The following RAPGEF6 variants were observed in gnomAD, a reference collection of about 807,000 sequenced individuals.
The protein encoded by RAPGEF6 is Rap guanine nucleotide exchange factor 6.
In RAPGEF6, 56 loss-of-function variants were observed where a neutral mutation model predicts 171.4. The ratio of observed to expected loss-of-function variants is 0.33; its 90% confidence interval spans 0.26 to 0.41. The LOEUF is 0.41. RAPGEF6 is among the 10% of genes least tolerant of loss of function. The pLI, the probability that RAPGEF6 is intolerant of heterozygous loss-of-function variation, is 1.00. For synonymous variants in RAPGEF6, 692 were observed against 650.1 expected (o/e 1.06, Z -0.98); for missense variants, 1,674 against 1,921.4 (o/e 0.87, Z 2.41).
intron 7 of RAPGEF6, among the ~76,000 whole-genome samples, chr5:131,520,975 C>G (rs1035427235): frequency 6.6e-6 from 1 of 152,198 alleles, no homozygotes; most frequent in Admixed American, 6.5e-5. Context: ...TAGACTACAA[C>G]AGAGGCTTTA....
At chr5:131,510,255 A>T in intron 8 of RAPGEF6, 59 bp downstream of exon 8, 2 of 1,454,004 alleles carry the variant, frequency 1.4e-6, no homozygotes, top group Non-Finnish European at 1.9e-6. Flanking sequence ...GTTATGCAGA[A>T]ATAGGTAACC....
At chr5:131,537,713 C>T (rs1159861072) in intron 6 of RAPGEF6, among the ~76,000 whole-genome samples, 2 of 152,122 alleles carry the variant, frequency 1.3e-5, no homozygotes, top group Non-Finnish European at 2.9e-5. Context: ...AAGATATATA[C>T]AGTCAGCCCT....
At chr5:131,429,602 T>C (rs904870146) in intron 26 of RAPGEF6, among the ~76,000 whole-genome samples, 3 of 152,130 alleles carry the variant, frequency 2.0e-5, no homozygotes, top group African/African-American at 7.2e-5. Flanking sequence ...ACTGGGAGAC[T>C]TTACATAGAA....
At chr5:131,505,616 T>A in intron 9 of RAPGEF6, 94 bp from the exon 10 acceptor site, 1 of 1,154,268 alleles carries the variant, frequency 8.7e-7, no homozygotes, top group African/African-American at 1.6e-5. Flanking sequence ...ATAACTTGAA[T>A]AAAAAGGAAA....
chr5:131,472,455 G>GT (rs1754811058), intron 17 of RAPGEF6, 132 bp downstream of exon 17: 3 of 1,037,300 alleles, frequency 2.9e-6, no homozygotes, highest in African/African-American at 1.6e-5. Flanking sequence ...TCTCCCTTTA[G>GT]TTTTTTGCAT....
At position 131,433,678 on chromosome 5, in the gene RAPGEF6, T is replaced by G. The variant is rs778900261; in HGVS notation, c.3746-20A>C. 1 of 1,541,170 alleles carries G rather than the reference T, an allele frequency of 6.5e-7. No individual in the cohort carries two copies. The highest frequency in any genetic ancestry group is 9.0e-7 in the Non-Finnish European group (1 of 1,116,168). Reference sequence around the variant, plus strand: ...TGTAACCTGAACAAGAAAAGAGCACTGATCAAACTACAAAAAAAGGGAACA... The same window carrying G: ...TGTAACCTGAACAAGAAAAGAGCACGGATCAAACTACAAAAAAAGGGAACA... On this transcript the variant is annotated intron_variant, in intron 24 of 27. Coordinates refer to ENST00000509018, the MANE Select transcript of RAPGEF6 (RefSeq NM_016340.6).
At chr5:131,539,086 G>C (rs1247428961) in intron 6 of RAPGEF6, among the ~76,000 whole-genome samples, 1 of 152,180 alleles carries the variant, frequency 6.6e-6, no homozygotes, top group Non-Finnish European at 1.5e-5. Flanking sequence ...ATATTGAAAA[G>C]CTGAAGATTC....
intron 26 of RAPGEF6, among the ~76,000 whole-genome samples, chr5:131,429,440 C>T (rs750004939): frequency 3.9e-5 from 6 of 151,998 alleles, no homozygotes; most frequent in Admixed American, 6.6e-5. Flanking sequence ...TTAAATAGAA[C>T]GAGAGAGTTG....
chr5:131,462,186 A>C, intron 18 of RAPGEF6, 98 bp from the exon 19 acceptor site: 1 of 1,045,410 alleles, frequency 9.6e-7, no homozygotes, highest in Non-Finnish European at 1.3e-6. Flanking sequence ...TTTACTGTTA[A>C]TAACTTTTAG....
At chr5:131,472,895 G>C (rs1363084609) in intron 16 of RAPGEF6, 151 bp from the exon 17 acceptor site, 2 of 644,460 alleles carry the variant, frequency 3.1e-6, no homozygotes, top group Non-Finnish European at 5.1e-6. Flanking sequence ...AAAGACAATT[G>C]TAATGATGAA....
chr5:131,545,975 C>T (rs1760499441), intron 6 of RAPGEF6, among the ~76,000 whole-genome samples: 1 of 152,192 alleles, frequency 6.6e-6, no homozygotes, highest in South Asian at 2.1e-4. Flanking sequence ...ATGCCTATTG[C>T]TCTTTCTGAT....
chr5:131,531,969 G>A, intron 6 of RAPGEF6: 3 of 282,270 alleles, frequency 1.1e-5, no homozygotes, highest in Admixed American at 5.0e-5. Context: ...AAAAAAAATG[G>A]CAATGAGAAA....
intron 4 of RAPGEF6, among the ~76,000 whole-genome samples, chr5:131,562,384 G>A (rs896595944): frequency 2.6e-5 from 4 of 151,994 alleles, no homozygotes; most frequent in South Asian, 4.2e-4. Flanking sequence ...AATACACTTA[G>A]TAAAAATCTA....
At chr5:131,559,986 C>T (rs890421239) in intron 5 of RAPGEF6, among the ~76,000 whole-genome samples, 1 of 151,936 alleles carries the variant, frequency 6.6e-6, no homozygotes, top group East Asian at 1.9e-4. Context: ...CAAATCTGTA[C>T]AAATAGACAA....
chr5:131,482,257 T>C (rs1755536703), intron 15 of RAPGEF6, among the ~76,000 whole-genome samples: 1 of 120,360 alleles, frequency 8.3e-6, no homozygotes, highest in Non-Finnish European at 1.8e-5. Flanking sequence ...TATGGTAATA[T>C]ATACACACAC....
intron 18 of RAPGEF6, 30 bp from the exon 19 acceptor site, chr5:131,462,118 T>C (rs1044640653): frequency 7.3e-7 from 1 of 1,361,520 alleles, no homozygotes; most frequent in African/African-American, 1.5e-5. Context: ...TAAATAAATG[T>C]ATTCATAAAT....
At chr5:131,575,512 C>A (rs906523547) in intron 4 of RAPGEF6, among the ~76,000 whole-genome samples, 1 of 152,190 alleles carries the variant, frequency 6.6e-6, no homozygotes, top group Non-Finnish European at 1.5e-5. Flanking sequence ...TCCAGCTAAT[C>A]TCCGAAACCC....
intron 7 of RAPGEF6, among the ~76,000 whole-genome samples, chr5:131,518,257 T>C (rs1332474189): frequency 1.3e-5 from 2 of 151,970 alleles, no homozygotes; most frequent in African/African-American, 4.8e-5. Context: ...AAAAAATATA[T>C]AAGTATGTAG....
chr5:131,611,987 C>T (rs1304354321), intron 1 of RAPGEF6, among the ~76,000 whole-genome samples: 1 of 152,094 alleles, frequency 6.6e-6, no homozygotes, highest in East Asian at 1.9e-4. Flanking sequence ...CCTGACTTTA[C>T]AATGATGCAA....
Sources: allele counts gnomAD v4.1 joint callset (sites outside exome capture counted in the v4.1 genomes callset), GRCh38; gene constraint gnomAD v4.1.1; transcripts MANE v1.5; gene names NCBI Gene and HGNC (gene_info 2026-07-23, HGNC 2026-07-21).